ZNF385D: variants seen among roughly 807,000 people sequenced by gnomAD.
ZNF385D encodes the protein zinc finger protein 385D.
A neutral mutation model predicts 35.8 loss-of-function variants in ZNF385D; 15 were observed. That is an observed-to-expected ratio of 0.42 (90% CI 0.28 to 0.64). The LOEUF (loss-of-function observed/expected upper bound fraction) is 0.64. Among genes scored for constraint, ZNF385D ranks in the 30% least tolerant of loss-of-function variants. ZNF385D has a pLI of 0.23. For missense variants in ZNF385D, 474 were observed against 494.6 expected (o/e 0.96, Z 0.39); for synonymous variants, 212 against 186.8 (o/e 1.13, Z -1.10).
At chr3:22,032,606 G>A (rs1244705702) in intron 3 of ZNF385D, among the ~76,000 whole-genome samples, 1 of 152,166 alleles carries the variant, frequency 6.6e-6, no homozygotes, top group Non-Finnish European at 1.5e-5. Flanking sequence ...ACTAGTAACA[G>A]AGGTGACTTT....
Position 22,181,078 on chromosome 3 carries a change from T to C in ZNF385D, c.107-12043A>G, listed in dbSNP as rs370983618. ...GTCCATGCCTAGTCTTTTTGTAATA[T>C]AGACTTTCTTATATTATCTGCAACC... On this transcript the variant is annotated intron_variant, in intron 2 of 5. Transcript: ENST00000494108. 1.1e-4 allele frequency among the ~76,000 whole-genome samples: 16 copies of C among 152,170 alleles called. No individual in the cohort carries two copies. In the East Asian group the frequency reaches 1.2e-3, roughly 11 times the overall value.
chr3:22,162,776 A>T (rs1389540664), intron 3 of ZNF385D, among the ~76,000 whole-genome samples: 3 of 152,190 alleles, frequency 2.0e-5, no homozygotes, highest in Non-Finnish European at 2.9e-5. Flanking sequence ...TTAATCTGTT[A>T]ATTGACCTCT....
intron 2 of ZNF385D, among the ~76,000 whole-genome samples, chr3:22,317,094 A>G (rs1703929928): frequency 6.6e-6 from 1 of 151,926 alleles, no homozygotes; most frequent in African/African-American, 2.4e-5. Context: ...CCTGACCAAC[A>G]TGGAGAAACC....
At chr3:22,279,519 C>CATATACATATGTACATATATATGTAT (rs1701613490) in intron 2 of ZNF385D, among the ~76,000 whole-genome samples, 1 of 124,392 alleles carries the variant, frequency 8.0e-6, no homozygotes, top group Non-Finnish European at 1.6e-5. Context: ...TATGTATATA[C>CATATACATATGTACATATATATGTAT]ATATACATAT....
At chr3:22,194,838 G>C (rs1696300561) in intron 2 of ZNF385D, among the ~76,000 whole-genome samples, 1 of 151,684 alleles carries the variant, frequency 6.6e-6, no homozygotes, top group South Asian at 2.1e-4. Flanking sequence ...TGTTCTTTTT[G>C]TTACTGAGAA....
At chr3:21,726,409 G>A (rs1169671330) in intron 1 of ZNF385D, among the ~76,000 whole-genome samples, 2 of 152,122 alleles carry the variant, frequency 1.3e-5, no homozygotes, top group South Asian at 2.1e-4. Flanking sequence ...CGGATGACAT[G>A]ATCGTATATT....
chr3:22,209,098 G>A (rs865931307), intron 2 of ZNF385D, among the ~76,000 whole-genome samples: 1 of 151,830 alleles, frequency 6.6e-6, no homozygotes, highest in Non-Finnish European at 1.5e-5. Flanking sequence ...AAGGCATTCT[G>A]CTCCTCCGAT....
intron 3 of ZNF385D, among the ~76,000 whole-genome samples, chr3:21,982,180 T>C (rs1475974080): frequency 6.6e-6 from 1 of 151,864 alleles, no homozygotes; most frequent in Non-Finnish European, 1.5e-5. Context: ...GCCATTTTAA[T>C]TATATTGATT....
chr3:21,891,919 C>T (rs575648679), intron 3 of ZNF385D, among the ~76,000 whole-genome samples: 1 of 152,194 alleles, frequency 6.6e-6, no homozygotes, highest in South Asian at 2.1e-4. Context: ...TGCTTAATAG[C>T]TTTTTCAAAG....
At chr3:21,625,620 A>C (rs1264494863) in intron 2 of ZNF385D, among the ~76,000 whole-genome samples, 3 of 152,136 alleles carry the variant, frequency 2.0e-5, no homozygotes, top group Admixed American at 2.0e-4. Context: ...GGCAAATAGC[A>C]AAGTGTTCAG....
intron 2 of ZNF385D, among the ~76,000 whole-genome samples, chr3:22,343,181 A>G (rs895659117): frequency 3.9e-5 from 6 of 152,212 alleles, no homozygotes; most frequent in Non-Finnish European, 5.9e-5. Context: ...ATTGTATTGT[A>G]TTTGTATTTG....
At chr3:21,865,046 T>G (rs1390148524) in intron 3 of ZNF385D, among the ~76,000 whole-genome samples, 1 of 21,406 alleles carries the variant, frequency 4.7e-5, no homozygotes, top group African/African-American at 2.4e-4. Context: ...CAGGGAAGAC[T>G]TTTTTTTTTT....
intron 2 of ZNF385D, among the ~76,000 whole-genome samples, chr3:21,619,878 C>T (rs1409965411): frequency 6.6e-6 from 1 of 152,128 alleles, no homozygotes; most frequent in African/African-American, 2.4e-5. Context: ...AAAGTGGAAG[C>T]TAGGAAGCTC....
At position 22,044,278 on chromosome 3, in the gene ZNF385D, G is replaced by A. The variant is rs192797461; in HGVS notation, c.325+124539C>T. 5.3e-5 allele frequency among the ~76,000 whole-genome samples: 8 copies of A among 151,996 alleles called. No individual in the cohort carries two copies. In the East Asian group the frequency reaches 1.2e-3, roughly 22 times the overall value. ...AACTTTGTTAGGAATGGGACCAGTC[G>A]TCTTTGGAAATCTGAATTAATTGGC... On this transcript the variant is annotated intron_variant, in intron 3 of 5. Transcript: ENST00000494108.
intron 4 of ZNF385D, among the ~76,000 whole-genome samples, chr3:21,483,896 AT>A (rs1704828383): frequency 6.6e-6 from 1 of 152,088 alleles, no homozygotes; most frequent in African/African-American, 2.4e-5. Context: ...TAAGTTTTTA[AT>A]TTTGATGAAA....
intron 3 of ZNF385D, among the ~76,000 whole-genome samples, chr3:21,896,875 T>C (rs772544316): frequency 2.0e-5 from 3 of 151,750 alleles, no homozygotes; most frequent in Admixed American, 1.3e-4. Context: ...TTGTCTGCAA[T>C]GGAGAATTCT....
intron 3 of ZNF385D, among the ~76,000 whole-genome samples, chr3:21,925,145 C>T (rs766032701): frequency 6.6e-6 from 1 of 151,944 alleles, no homozygotes; most frequent in Non-Finnish European, 1.5e-5. Context: ...GGTATACATA[C>T]AATTATTTTG....
intron 7 of ZNF385D, 78 bp downstream of exon 7, chr3:21,423,885 G>T: frequency 1.4e-6 from 2 of 1,398,224 alleles, no homozygotes; most frequent in Non-Finnish European, 2.0e-6. Flanking sequence ...GTTAAAGGTG[G>T]CAAAATGCCA....
intron 3 of ZNF385D, among the ~76,000 whole-genome samples, chr3:21,807,723 C>T (rs569717640): frequency 6.6e-6 from 1 of 151,978 alleles, no homozygotes; most frequent in African/African-American, 2.4e-5. Flanking sequence ...AAAATAGGAG[C>T]ATCATTTGTA....
Sources: gnomAD v4.1 joint callset for allele counts (sites outside exome capture counted in the v4.1 genomes callset) on GRCh38, gnomAD v4.1.1 for gene constraint, MANE v1.5 for transcripts, NCBI Gene and HGNC (gene_info 2026-07-23, HGNC 2026-07-21) for gene names.